The following ZFAT variants were observed in gnomAD, a reference collection of about 807,000 sequenced individuals.
ZFAT encodes zinc finger protein ZFAT.
In ZFAT, 64 loss-of-function variants were observed where a neutral mutation model predicts 117.7. The observed-to-expected ratio is 0.54, with a 90% CI of 0.44 to 0.67. ZFAT has a LOEUF of 0.67. Among genes scored for constraint, ZFAT ranks in the 30% least tolerant of loss-of-function variants. The probability of loss-of-function intolerance (pLI) is 0.00; values close to 1 mark genes in which losing one functional copy is unlikely to be tolerated. For synonymous variants in ZFAT, 679 were observed against 615.0 expected (o/e 1.10, Z -1.54); for missense variants, 1,433 against 1,584.5 (o/e 0.90, Z 1.62).
At chr8:134,480,673 A>T (rs1040308300) in intron 15 of ZFAT, among the ~76,000 whole-genome samples, 14 of 151,970 alleles carry the variant, frequency 9.2e-5, no homozygotes, top group African/African-American at 3.4e-4. Flanking sequence ...GGGAGCCATG[A>T]CTCCCAGGAG....
At chr8:134,706,085 C>T (rs911644202) in intron 1 of ZFAT, among the ~76,000 whole-genome samples, 14 of 152,190 alleles carry the variant, frequency 9.2e-5, no homozygotes, top group African/African-American at 3.4e-4. Context: ...ATACAAACTA[C>T]TCTGGAAAGC....
At chr8:134,686,591 A>T (rs188666213) in intron 1 of ZFAT, among the ~76,000 whole-genome samples, 36 of 152,342 alleles carry the variant, frequency 2.4e-4, no homozygotes, top group African/African-American at 8.2e-4. Context: ...CCTCTCATTT[A>T]AAACAACATA....
At chr8:134,721,713 G>A in the ZFAT span, among the ~76,000 whole-genome samples, 1 of 152,186 alleles carries the variant, frequency 6.6e-6, no homozygotes, top group African/African-American at 2.4e-5. Flanking sequence ...TCCCAGGCAA[G>A]TTAATGGCTC....
rs559139609 is a variant in ZFAT, at chr8:134,531,302, T to C, written c.3115+1532A>G. Among the ~76,000 whole-genome samples the C allele has an allele frequency of 3.3e-5, 5 of 152,036 alleles. No individual in the cohort carries two copies. The South Asian group carries it at 8.3e-4, about 25-fold the overall frequency. Reference sequence around the variant, plus strand: ...ATTTCCTGGCAATCCAACCCAAGAGTGTGAAGGATGCGAAAAAGAATCCCT... The same window carrying C: ...ATTTCCTGGCAATCCAACCCAAGAGCGTGAAGGATGCGAAAAAGAATCCCT... On this transcript the variant is annotated intron_variant, in intron 12 of 15. Transcript: ENST00000377838.
chr8:134,483,392 A>C (rs1039359000), intron 15 of ZFAT, among the ~76,000 whole-genome samples: 2 of 152,218 alleles, frequency 1.3e-5, no homozygotes, highest in Non-Finnish European at 1.5e-5. Context: ...CAGCTGGTGT[A>C]GTGTGACAGC....
rs1326142550 is a variant in ZFAT at position 134,711,860 on chromosome 8, T to C, written c.19+985A>G. 2.6e-5 allele frequency among the ~76,000 whole-genome samples: 4 copies of C among 152,186 alleles called. No individual in the cohort carries two copies. The South Asian group carries it at 8.3e-4, about 32-fold the overall frequency. ...AGTCAGGAAAGGTGTCCCTGGGGGTTAGAGGTAGGACACGCTACTTCCTTC... is the reference window on the plus strand; with the variant it reads ...AGTCAGGAAAGGTGTCCCTGGGGGTCAGAGGTAGGACACGCTACTTCCTTC... On this transcript the variant is annotated intron_variant, in intron 1 of 15. Coordinates refer to ENST00000377838, the MANE Select transcript of ZFAT (RefSeq NM_020863.4).
rs1309955585 is a variant in ZFAT at position 134,482,834 on chromosome 8, G to C, written c.3493-4113C>G. Among the ~76,000 whole-genome samples, 10 of 152,300 alleles carry C rather than the reference G, an allele frequency of 6.6e-5. No individual in the cohort carries two copies. In the East Asian group the frequency reaches 1.9e-3, roughly 29 times the overall value. On this transcript the variant is annotated intron_variant, in intron 15 of 15. Coordinates refer to ENST00000377838, the MANE Select transcript of ZFAT (RefSeq NM_020863.4). ...TGGTGTGCACAAATGTGACAGGGAG[G>C]CACGCTGTTGCCCTGTCGTGTTACT...
At chr8:134,633,220 C>G (rs920883692) in intron 3 of ZFAT, among the ~76,000 whole-genome samples, 2 of 152,086 alleles carry the variant, frequency 1.3e-5, no homozygotes, top group African/African-American at 4.8e-5. Context: ...GTTTCCTCTT[C>G]TATAAAATGG....
intron 1 of ZFAT, among the ~76,000 whole-genome samples, chr8:134,678,012 G>A (rs1193755264): frequency 2.6e-5 from 4 of 152,178 alleles, no homozygotes; most frequent in Admixed American, 2.0e-4. Flanking sequence ...GCAAAAACTG[G>A]AAGCATTCCC....
chr8:134,549,456 AAAAAAG>A (rs1822969324), intron 11 of ZFAT, among the ~76,000 whole-genome samples: 1 of 151,606 alleles, frequency 6.6e-6, no homozygotes, highest in African/African-American at 2.4e-5. Flanking sequence ...AAAAAAAAAA[AAAAAAG>A]AAGAAGAAGA....
intron 10 of ZFAT, among the ~76,000 whole-genome samples, chr8:134,578,840 C>T (rs1185019383): frequency 1.3e-5 from 2 of 152,138 alleles, no homozygotes; most frequent in African/African-American, 4.8e-5. Context: ...TCAAGACTGA[C>T]CCAATGCTTT....
intron 5 of ZFAT, among the ~76,000 whole-genome samples, chr8:134,605,321 C>A (rs547582045): frequency 3.9e-5 from 6 of 151,998 alleles, no homozygotes; most frequent in Non-Finnish European, 7.4e-5. Flanking sequence ...CTGAGGAGGG[C>A]GGATCACAAG....
chr8:134,695,118 G>A (rs1045418730), intron 1 of ZFAT, among the ~76,000 whole-genome samples: 2 of 152,174 alleles, frequency 1.3e-5, no homozygotes, highest in Non-Finnish European at 2.9e-5. Flanking sequence ...GCGGCCAGAG[G>A]AGGACGAACT....
chr8:134,684,387 AAAT>A lies in ZFAT; in HGVS notation c.20-26653_20-26651del, dbSNP rs1172239498. 1.2e-4 allele frequency among the ~76,000 whole-genome samples: 19 copies of A among 152,348 alleles called. No homozygotes were observed. In the South Asian group the frequency reaches 3.9e-3, roughly 32 times the overall value. On this transcript the variant is annotated intron_variant, in intron 1 of 15. Transcript: ENST00000377838. ...AGAAATAAAGCGATAGCAAGTGACAAAATAATAAGATCTCCATCTTACAGGAGG... is the reference window on the plus strand; with the variant it reads ...AGAAATAAAGCGATAGCAAGTGACAAAATAAGATCTCCATCTTACAGGAGG...
intron 11 of ZFAT, among the ~76,000 whole-genome samples, chr8:134,546,311 G>A (rs117599252): frequency 0.036 from 5,551 of 152,270 alleles, 160 homozygotes; most frequent in Non-Finnish European, 0.055. Flanking sequence ...GCTTCCCGAG[G>A]GGTTTTGGTG....
intron 7 of ZFAT, among the ~76,000 whole-genome samples, chr8:134,590,730 CCAA>C (rs34313199): frequency 0.39 from 56,690 of 146,400 alleles, 11,257 homozygotes; most frequent in Admixed American, 0.53. Context: ...ACCACCACCA[CCAA>C]CACCACCACC....
upstream of ZFAT, among the ~76,000 whole-genome samples, chr8:134,715,998 A>G (rs1047016414): frequency 6.6e-5 from 10 of 152,122 alleles, no homozygotes; most frequent in Non-Finnish European, 7.4e-5. Context: ...ATGGTGGCTC[A>G]TGCCTGTAAT....
chr8:134,602,773 C>T lies in ZFAT; in HGVS notation c.946G>A (p.Val316Met). The T allele has an allele frequency of 6.2e-7, 1 of 1,614,218 alleles. No homozygotes were observed. The highest frequency in any genetic ancestry group is 8.5e-7 in the Non-Finnish European group (1 of 1,180,046). Residue 316 changes from valine to methionine, a missense_variant, in exon 6 of 16, where the codon GTG (valine) becomes ATG (methionine). By Grantham distance (21) the Val-to-Met change is conservative. Coordinates refer to ENST00000377838, the MANE Select transcript of ZFAT (RefSeq NM_020863.4). ...TCTCCAGTGTGCTTGCGCAGGTGCA[C>T]ATTGAGGTTGGCCTTGATGGCACTG... ...YASAIKANLNVHLRKHTGEKF... is the reference protein window; with the variant it reads ...YASAIKANLNMHLRKHTGEKF...
chr8:134,509,009 G>C (rs1329535436), intron 15 of ZFAT, among the ~76,000 whole-genome samples: 2 of 152,170 alleles, frequency 1.3e-5, no homozygotes, highest in Non-Finnish European at 2.9e-5. Flanking sequence ...GGTATAAACA[G>C]ATAAAAAGGA....
Sources: allele counts gnomAD v4.1 joint callset (sites outside exome capture counted in the v4.1 genomes callset), GRCh38; gene constraint gnomAD v4.1.1; transcripts MANE v1.5; gene names NCBI Gene and HGNC (gene_info 2026-07-23, HGNC 2026-07-21).